Variants in SOX5 observed in about 807,000 individuals in gnomAD.
SOX5 encodes the protein SRY-box transcription factor 5, also known as transcription factor SOX-5.
SOX5 carries 9 observed loss-of-function variants against 92.0 expected under a neutral mutation model. The ratio of observed to expected loss-of-function variants is 0.10; its 90% CI spans 0.06 to 0.17. The LOEUF (loss-of-function observed/expected upper bound fraction) is 0.17. Ranked by LOEUF, SOX5 falls within the 10% of genes least tolerant of loss-of-function variation. The pLI is 1.00. For synonymous variants in SOX5, 344 were observed against 336.3 expected (o/e 1.02, Z -0.25); for missense variants, 642 against 944.5 (o/e 0.68, Z 4.20).
intron 1 of SOX5, among the ~76,000 whole-genome samples, chr12:24,392,948 C>G (rs1231149679): frequency 1.3e-5 from 2 of 152,082 alleles, no homozygotes; most frequent in Admixed American, 1.3e-4. Context: ...ATGTGAGAGC[C>G]TAGAGTCTTC....
intron 7 of SOX5, among the ~76,000 whole-genome samples, chr12:23,664,305 A>G (rs2083469022): frequency 7.0e-6 from 1 of 143,598 alleles, no homozygotes; most frequent in African/African-American, 2.6e-5. Flanking sequence ...CAAGATGTTA[A>G]TGGCACAATT....
At chr12:23,583,407 C>T (rs1748749384) in intron 9 of SOX5, among the ~76,000 whole-genome samples, 1 of 152,058 alleles carries the variant, frequency 6.6e-6, no homozygotes, top group South Asian at 2.1e-4. Context: ...GCTTTTCTAA[C>T]TATTCTTGAA....
At chr12:24,117,034 T>C (rs926304703) in intron 4 of SOX5, among the ~76,000 whole-genome samples, 4 of 144,612 alleles carry the variant, frequency 2.8e-5, no homozygotes, top group African/African-American at 1.0e-4. Flanking sequence ...CGCCCACGAG[T>C]TGAGAGAAAA....
chr12:23,603,445 A>AATATATATATATATATATATATAAAATAT, intron 9 of SOX5, among the ~76,000 whole-genome samples: 1 of 124,854 alleles, frequency 8.0e-6, no homozygotes, highest in Non-Finnish European at 1.8e-5. Context: ...ATATATATAA[A>AATATATATATATATATATATATAAAATAT]ATATATATAT....
At chr12:23,864,636 C>T (rs991705800) in intron 2 of SOX5, among the ~76,000 whole-genome samples, 1 of 152,142 alleles carries the variant, frequency 6.6e-6, no homozygotes, top group Non-Finnish European at 1.5e-5. Context: ...TTAAGCCAAA[C>T]CCTAATCCAG....
At chr12:24,478,867 A>G (rs1277099229) in intron 1 of SOX5, among the ~76,000 whole-genome samples, 1 of 152,228 alleles carries the variant, frequency 6.6e-6, no homozygotes, top group African/African-American at 2.4e-5. Flanking sequence ...AACTTTCCTG[A>G]AAGAATTAAG....
intron 9 of SOX5, chr12:23,584,724 GGT>G: frequency 1.5e-6 from 1 of 665,974 alleles, no homozygotes; most frequent in Admixed American, 2.3e-5. Flanking sequence ...GAGAAGGACA[GGT>G]GTGAGTGTGT....
chr12:24,017,621 T>C, intron 4 of SOX5, among the ~76,000 whole-genome samples: 1 of 151,148 alleles, frequency 6.6e-6, no homozygotes, highest in South Asian at 2.1e-4. Flanking sequence ...TAAAATAAAA[T>C]AACATAAAAT....
At chr12:24,083,659 CG>C (rs1185358711) in intron 4 of SOX5, among the ~76,000 whole-genome samples, 1 of 151,936 alleles carries the variant, frequency 6.6e-6, no homozygotes, top group Non-Finnish European at 1.5e-5. Flanking sequence ...TGAAAAGCAT[CG>C]TGCTAAATTT....
chr12:24,436,219 G>C (rs2418178), intron 1 of SOX5, among the ~76,000 whole-genome samples: 152,216 of 152,332 alleles, frequency 1, 76,050 homozygotes, highest in Non-Finnish European at 1. Context: ...AACGATTCCG[G>C]ATAGTGAGGA....
chr12:24,018,664 G>T, intron 4 of SOX5, among the ~76,000 whole-genome samples: 1 of 152,074 alleles, frequency 6.6e-6, no homozygotes, highest in Non-Finnish European at 1.5e-5. Flanking sequence ...GGGCATGGTG[G>T]CATGTGCCAA....
At chr12:24,241,555 A>G (rs1965563044) in intron 3 of SOX5, among the ~76,000 whole-genome samples, 1 of 152,174 alleles carries the variant, frequency 6.6e-6, no homozygotes, top group Admixed American at 6.6e-5. Flanking sequence ...CTCTGTTTTT[A>G]CTATTGCTGT....
intron 3 of SOX5, among the ~76,000 whole-genome samples, chr12:24,243,053 T>C (rs540800803): frequency 5.9e-5 from 9 of 152,262 alleles, no homozygotes; most frequent in Admixed American, 2.6e-4. Context: ...ACTGTTAAAG[T>C]GTTTATCTCT....
intron 4 of SOX5, among the ~76,000 whole-genome samples, chr12:24,081,099 GT>G (rs1192419517): frequency 6.6e-6 from 1 of 151,860 alleles, no homozygotes; most frequent in Non-Finnish European, 1.5e-5. Context: ...CAAAATGATC[GT>G]TTTCTCTCTT....
At chr12:24,516,669 G>T (rs1007316296) in intron 1 of SOX5, among the ~76,000 whole-genome samples, 1 of 152,024 alleles carries the variant, frequency 6.6e-6, no homozygotes, top group Admixed American at 6.6e-5. Context: ...TTCTCAGCAG[G>T]ATTATTCTCA....
chr12:24,509,112 G>T (rs972953056), intron 1 of SOX5, among the ~76,000 whole-genome samples: 1 of 152,158 alleles, frequency 6.6e-6, no homozygotes, highest in Non-Finnish European at 1.5e-5. Context: ...AGTAGACAAT[G>T]CCACTATTTG....
intron 1 of SOX5, among the ~76,000 whole-genome samples, chr12:24,433,603 C>A (rs992787059): frequency 4.6e-5 from 7 of 152,150 alleles, no homozygotes; most frequent in Non-Finnish European, 1.0e-4. Flanking sequence ...GCAGTAGGAA[C>A]TAAAGTCTAT....
intron 1 of SOX5, among the ~76,000 whole-genome samples, chr12:24,524,817 G>T (rs897750002): frequency 2.0e-5 from 3 of 152,100 alleles, no homozygotes; most frequent in African/African-American, 7.2e-5. Context: ...AGAAGTTTGG[G>T]ACTCGCCTGG....
At chr12:23,762,037 G>A (rs188933793) in intron 3 of SOX5, among the ~76,000 whole-genome samples, 1 of 152,166 alleles carries the variant, frequency 6.6e-6, no homozygotes, top group East Asian at 1.9e-4. Flanking sequence ...TCATATATCA[G>A]TAAGAGTTCA....
Sources: allele counts gnomAD v4.1 joint callset (sites outside exome capture counted in the v4.1 genomes callset), GRCh38; gene constraint gnomAD v4.1.1; transcripts MANE v1.5; gene names NCBI Gene and HGNC (gene_info 2026-07-23, HGNC 2026-07-21).